Variants in PARD3 observed in about 807,000 individuals in gnomAD.
The protein encoded by PARD3 is partitioning defective 3 homolog.
PARD3 carries 75 observed loss-of-function variants against 155.4 expected under a neutral mutation model. The observed-to-expected ratio is 0.48, with a 90% CI of 0.40 to 0.58. The LOEUF (loss-of-function observed/expected upper bound fraction) is 0.58. Among genes scored for constraint, PARD3 ranks in the 20% least tolerant of loss-of-function variants. The pLI is 0.00. For missense variants in PARD3, 1,642 were observed against 1,721.7 expected, an observed-to-expected ratio of 0.95 and a Z score of 0.82; for synonymous variants, 576 against 610.5, an observed-to-expected ratio of 0.94 and a Z score of 0.83.
chr10:34,604,538 T>C (rs902828947), intron 2 of PARD3, among the ~76,000 whole-genome samples: 1 of 150,516 alleles, frequency 6.6e-6, no homozygotes, highest in Non-Finnish European at 1.5e-5. Context: ...TTTGTGATCG[T>C]GTAAGTTAAT....
chr10:34,276,752 G>A (rs1396240077), intron 21 of PARD3, among the ~76,000 whole-genome samples: 1 of 151,556 alleles, frequency 6.6e-6, no homozygotes, highest in Admixed American at 6.6e-5. Flanking sequence ...CAAACTCCTT[G>A]GGATGCAAAA....
chr10:34,571,387 ACTT>A (rs1011174805), intron 2 of PARD3, among the ~76,000 whole-genome samples: 3 of 152,308 alleles, frequency 2.0e-5, no homozygotes, highest in South Asian at 2.1e-4. Flanking sequence ...TTTAGAATAA[ACTT>A]CTTCTTATGC....
At position 34,471,365 on chromosome 10, in the gene PARD3, C is replaced by T. The variant is rs553422608; in HGVS notation, c.404-1102G>A. 1.3e-4 allele frequency among the ~76,000 whole-genome samples: 20 copies of T among 152,126 alleles called. No individual in the cohort carries two copies. In the South Asian group the frequency reaches 4.2e-3, roughly 32 times the overall value. Reference sequence around the variant, plus strand: ...GATCACTGTCACAGCAGAGAAGAAACAGAATTAAAAATGCAAAGTGAAGAA... The same window carrying T: ...GATCACTGTCACAGCAGAGAAGAAATAGAATTAAAAATGCAAAGTGAAGAA... On this transcript the variant is annotated intron_variant, in intron 3 of 24. Coordinates refer to ENST00000374788, the MANE Select transcript of PARD3 (RefSeq NM_001184785.2).
At chr10:34,270,297 C>G (rs1955553343) in intron 21 of PARD3, among the ~76,000 whole-genome samples, 1 of 152,022 alleles carries the variant, frequency 6.6e-6, no homozygotes, top group Non-Finnish European at 1.5e-5. Context: ...TGTGCACCAC[C>G]ACGCCTGGCT....
chr10:34,227,852 TTTTTTATATATATA>T (rs1349327179), intron 22 of PARD3, among the ~76,000 whole-genome samples: 3 of 31,392 alleles, frequency 9.6e-5, no homozygotes, highest in African/African-American at 3.7e-4. Flanking sequence ...ATGGGAATTA[TTTTTTATATATATA>T]TATATATATA....
intron 2 of PARD3, among the ~76,000 whole-genome samples, chr10:34,577,734 G>A (rs751182463): frequency 1.4e-4 from 21 of 152,204 alleles, no homozygotes; most frequent in Admixed American, 3.9e-4. Flanking sequence ...GTGTGCACGT[G>A]TGCACAGGCA....
intron 2 of PARD3, among the ~76,000 whole-genome samples, chr10:34,611,331 G>T (rs549498133): frequency 1.9e-3 from 290 of 152,204 alleles, no homozygotes; most frequent in Non-Finnish European, 2.9e-3. Context: ...CCTTTAGTAT[G>T]ACATTTTAGA....
At chr10:34,286,033 T>C (rs1956371672) in intron 20 of PARD3, among the ~76,000 whole-genome samples, 1 of 152,112 alleles carries the variant, frequency 6.6e-6, no homozygotes, top group Admixed American at 6.5e-5. Flanking sequence ...AGGTATAAAA[T>C]ACATGCTATG....
intron 3 of PARD3, among the ~76,000 whole-genome samples, chr10:34,492,847 TTAAG>T (rs1432604652): frequency 6.6e-6 from 1 of 152,220 alleles, no homozygotes; most frequent in Non-Finnish European, 1.5e-5. Flanking sequence ...GTCGAATCGA[TTAAG>T]TAATTCAGTC....
intron 2 of PARD3, among the ~76,000 whole-genome samples, chr10:34,632,216 G>GC (rs2092301001): frequency 6.6e-6 from 1 of 152,178 alleles, no homozygotes; most frequent in Non-Finnish European, 1.5e-5. Context: ...CCGAGATTGC[G>GC]CCACTACACT....
intron 22 of PARD3, among the ~76,000 whole-genome samples, chr10:34,180,206 C>A (rs1950210183): frequency 6.6e-6 from 1 of 152,166 alleles, no homozygotes; most frequent in African/African-American, 2.4e-5. Flanking sequence ...CGCCACCACG[C>A]CTGGCTAATT....
intron 3 of PARD3, among the ~76,000 whole-genome samples, chr10:34,473,865 G>A (rs1207688733): frequency 6.6e-6 from 1 of 152,194 alleles, no homozygotes; most frequent in African/African-American, 2.4e-5. Context: ...ACTGCCCTGG[G>A]CTGCTACTCT....
chr10:34,713,965 A>C (rs1220182759), intron 1 of PARD3, among the ~76,000 whole-genome samples: 2 of 152,176 alleles, frequency 1.3e-5, no homozygotes, highest in East Asian at 3.9e-4. Flanking sequence ...AAATAATCCA[A>C]AACAACCAAC....
intron 1 of PARD3, among the ~76,000 whole-genome samples, chr10:34,792,472 C>T (rs1841772614): frequency 6.6e-6 from 1 of 152,164 alleles, no homozygotes; most frequent in African/African-American, 2.4e-5. Context: ...ACAGCAAATG[C>T]TAAAATACAC....
At chr10:34,438,272 C>T (rs993076439) in intron 5 of PARD3, among the ~76,000 whole-genome samples, 2 of 152,206 alleles carry the variant, frequency 1.3e-5, no homozygotes, top group African/African-American at 4.8e-5. Flanking sequence ...AAAATAGGAA[C>T]ATTGCATTAC....
chr10:34,422,659 AG>A (rs2075378743), intron 5 of PARD3, among the ~76,000 whole-genome samples: 1 of 152,184 alleles, frequency 6.6e-6, no homozygotes, highest in Non-Finnish European at 1.5e-5. Flanking sequence ...AAGACATACA[AG>A]TAGCCAACAG....
At chr10:34,799,239 A>T (rs1363621298) in intron 1 of PARD3, among the ~76,000 whole-genome samples, 1 of 152,110 alleles carries the variant, frequency 6.6e-6, no homozygotes, top group African/African-American at 2.4e-5. Flanking sequence ...ATGGGGTTTC[A>T]CCATGTTGGC....
intron 12 of PARD3, among the ~76,000 whole-genome samples, chr10:34,361,977 T>C (rs1839487046): frequency 1.3e-5 from 2 of 152,152 alleles, no homozygotes; most frequent in Admixed American, 6.5e-5. Flanking sequence ...TCATAAAAAC[T>C]AGATTTAAAA....
At chr10:34,682,902 C>T (rs1350807190) in intron 2 of PARD3, among the ~76,000 whole-genome samples, 1 of 152,172 alleles carries the variant, frequency 6.6e-6, no homozygotes, top group African/African-American at 2.4e-5. Context: ...AATAAAACCT[C>T]AGAAGCAGTT....
Sources: gnomAD v4.1 joint callset for allele counts (sites outside exome capture counted in the v4.1 genomes callset) on GRCh38, gnomAD v4.1.1 for gene constraint, MANE v1.5 for transcripts, NCBI Gene and HGNC (gene_info 2026-07-23, HGNC 2026-07-21) for gene names.